Variants in SMIM36 observed in about 807,000 individuals in gnomAD.
SMIM36 encodes the protein small integral membrane protein 36.
chr17:55,487,836 C>A (rs959539034), intron 1 of SMIM36, among the ~76,000 whole-genome samples: 8 of 152,170 alleles, frequency 5.3e-5, no homozygotes, highest in African/African-American at 1.7e-4. Context: ...GGCTGAGACC[C>A]CTTGCAGCTG....
chr17:55,508,930 A>G (rs1398741334), intron 1 of SMIM36, among the ~76,000 whole-genome samples: 1 of 30,894 alleles, frequency 3.2e-5, no homozygotes, highest in Non-Finnish European at 6.1e-5. Flanking sequence ...TCTCAGAACA[A>G]AAAAAAAAAA....
At chr17:55,458,325 G>C (rs1010298549) in intron 4 of SMIM36, 1 of 152,312 alleles carries the variant, frequency 6.6e-6, no homozygotes, top group Non-Finnish European at 1.5e-5. Context: ...TGGTGTAGCT[G>C]TTGGTGACTT....
chr17:55,466,316 A>G (rs910961688), intron 4 of SMIM36, among the ~76,000 whole-genome samples: 1 of 150,288 alleles, frequency 6.7e-6, no homozygotes, highest in African/African-American at 2.5e-5. Context: ...AGTGCCACAC[A>G]TATTTTGGAG....
rs1406029241 is a variant in SMIM36 at position 55,501,233 on chromosome 17, A to T, written c.*174+9646T>A. On this transcript the variant is annotated intron_variant, in intron 1 of 4. Coordinates refer to ENST00000636752, the Ensembl canonical transcript of SMIM36. ...TATATAATATATATTATATATTATA[A>T]TATATAATATAGTATTATATTTTAT... is the stretch of plus-strand genomic sequence containing the variant. 2.1e-4 allele frequency among the ~76,000 whole-genome samples: 18 copies of T among 85,444 alleles called. 1 individual carries two copies. The highest frequency in any genetic ancestry group is 2.7e-4 in the African/African-American group (6 of 22,282). 56.1% of individuals were successfully genotyped at this position (85,444 alleles called of 152,430 possible). A position where few individuals can be genotyped will look rare whatever the true frequency, so the allele number is the denominator to read the frequency against.
chr17:55,458,681 G>C (rs1272504256), intron 4 of SMIM36, among the ~76,000 whole-genome samples: 1 of 151,620 alleles, frequency 6.6e-6, no homozygotes, highest in Non-Finnish European at 1.5e-5. Flanking sequence ...TCGCAGAAGA[G>C]CATGCCTCCT....
upstream of SMIM36, among the ~76,000 whole-genome samples, chr17:55,515,504 G>C (rs556974360): frequency 2.6e-5 from 4 of 152,294 alleles, no homozygotes; most frequent in South Asian, 2.1e-4. Context: ...GATATAATTA[G>C]TTAAGGGTGA....
upstream of SMIM36, among the ~76,000 whole-genome samples, chr17:55,512,944 A>G (rs1910207121): frequency 6.6e-6 from 1 of 152,204 alleles, no homozygotes; most frequent in Non-Finnish European, 1.5e-5. Flanking sequence ...GAACCTGAGC[A>G]TTTGAAGATG....
At chr17:55,528,703 C>A in the SMIM36 span, among the ~76,000 whole-genome samples, 1 of 151,914 alleles carries the variant, frequency 6.6e-6, no homozygotes, top group Non-Finnish European at 1.5e-5. Context: ...ATGCCTCCCA[C>A]CACACCTGGC....
At chr17:55,452,344 G>T (rs116658978) in intron 4 of SMIM36, among the ~76,000 whole-genome samples, 1 of 152,178 alleles carries the variant, frequency 6.6e-6, no homozygotes, top group East Asian at 1.9e-4. Flanking sequence ...ACTCCAGGCA[G>T]CAGTATGTGT....
At chr17:55,488,296 A>G (rs1256262404) in intron 1 of SMIM36, among the ~76,000 whole-genome samples, 1 of 152,210 alleles carries the variant, frequency 6.6e-6, no homozygotes, top group Non-Finnish European at 1.5e-5. Context: ...TCCCGACTGC[A>G]GTCTGTTAGC....
intron 1 of SMIM36, among the ~76,000 whole-genome samples, chr17:55,504,140 C>A (rs1431390177): frequency 2.6e-5 from 3 of 117,288 alleles, no homozygotes; most frequent in Non-Finnish European, 3.3e-5. Flanking sequence ...ACTTTAACAC[C>A]CCACTGTCAA....
chr17:55,509,598 T>C (rs1207159208), intron 1 of SMIM36, among the ~76,000 whole-genome samples: 1 of 152,204 alleles, frequency 6.6e-6, no homozygotes, highest in Non-Finnish European at 1.5e-5. Context: ...GTCTAAGTCA[T>C]GCCTGACCCT....
At chr17:55,485,226 G>T (rs1238315326) in intron 1 of SMIM36, among the ~76,000 whole-genome samples, 1 of 152,092 alleles carries the variant, frequency 6.6e-6, no homozygotes, top group Admixed American at 6.6e-5. Flanking sequence ...TTTTCTCTAT[G>T]TCTTAGTATA....
chr17:55,497,028 G>C (rs180806900), intron 1 of SMIM36, among the ~76,000 whole-genome samples: 81 of 152,244 alleles, frequency 5.3e-4, no homozygotes, highest in Admixed American at 5.3e-3. Context: ...TGGGGTATCG[G>C]AAGAGACTTG....
intron 1 of SMIM36, among the ~76,000 whole-genome samples, chr17:55,500,713 T>A (rs2144715703): frequency 7.3e-6 from 1 of 136,468 alleles, no homozygotes; most frequent in Middle Eastern, 3.8e-3. Context: ...AAATAAAATT[T>A]TCAAAATTTT....
intron 1 of SMIM36, among the ~76,000 whole-genome samples, chr17:55,507,917 G>T (rs1910107294): frequency 6.6e-6 from 1 of 152,202 alleles, no homozygotes; most frequent in South Asian, 2.1e-4. Flanking sequence ...AACATCATTT[G>T]ATAAACATAA....
intron 4 of SMIM36, among the ~76,000 whole-genome samples, chr17:55,458,842 C>T (rs74903667): frequency 7.7e-4 from 117 of 152,224 alleles, no homozygotes; most frequent in African/African-American, 2.6e-3. Flanking sequence ...GCTACCTCCA[C>T]GCAATAAAAT....
At chr17:55,507,339 C>T (rs2144722270) in intron 1 of SMIM36, among the ~76,000 whole-genome samples, 1 of 137,522 alleles carries the variant, frequency 7.3e-6, no homozygotes, top group South Asian at 2.6e-4. Flanking sequence ...AAATGTCCAA[C>T]AACGATAGAC....
At chr17:55,457,821 G>A (rs749610433) in intron 4 of SMIM36, among the ~76,000 whole-genome samples, 6 of 151,942 alleles carry the variant, frequency 3.9e-5, no homozygotes, top group Admixed American at 1.3e-4. Context: ...CTACCGCGCC[G>A]GCCTTTTGTT....
Sources: allele counts gnomAD v4.1 joint callset (sites outside exome capture counted in the v4.1 genomes callset), GRCh38; gene constraint gnomAD v4.1.1; transcripts MANE v1.5; gene names NCBI Gene and HGNC (gene_info 2026-07-23, HGNC 2026-07-21).